MRPL3: variants seen among roughly 807,000 people sequenced by gnomAD.
MRPL3 encodes the protein mitochondrial ribosomal protein L3, also known as large ribosomal subunit protein uL3m.
In MRPL3, 43 loss-of-function variants were observed where a neutral mutation model predicts 44.3. The observed-to-expected ratio is 0.97, with a 90% CI of 0.76 to 1.25. The LOEUF is 1.25. Among genes scored for constraint, MRPL3 ranks in the 50% most tolerant of loss-of-function variants. The pLI, the probability that MRPL3 is intolerant of heterozygous loss-of-function variation, is 0.00. For missense variants in MRPL3, 406 were observed against 427.6 expected (o/e 0.95, Z 0.45); for synonymous variants, 171 against 152.3 (o/e 1.12, Z -0.91).
chr3:131,487,715 A>G lies in MRPL3; in HGVS notation c.594T>C (p.Phe198=). 6.2e-7 allele frequency: 1 copy of G among 1,611,508 alleles called. No individual in the cohort carries two copies. Among genetic ancestry groups the G allele is most frequent in the Non-Finnish European group, 8.5e-7 (1 of 1,179,362 alleles). The part of the protein sequence containing the change: ...KPGTPLYAAH[F]RPGQYVDVTA... Reference sequence around the variant, plus strand: ...TGACATCCACATACTGTCCTGGACGAAAGTGAGCAGCATAAAGAGGAGTGC... The same window carrying G: ...TGACATCCACATACTGTCCTGGACGGAAGTGAGCAGCATAAAGAGGAGTGC... The change falls in exon 6 of 10, where the codon TTT becomes TTC. Residue 198 remains phenylalanine, a synonymous_variant. Transcript: ENST00000264995.
intron 4 of MRPL3, among the ~76,000 whole-genome samples, chr3:131,494,843 G>A (rs1934332466): frequency 6.6e-6 from 1 of 151,930 alleles, no homozygotes. Flanking sequence ...ATTTCAAAAG[G>A]CAATTTAAAA....
At chr3:131,472,984 A>G (rs951491062) in intron 6 of MRPL3, among the ~76,000 whole-genome samples, 2 of 152,176 alleles carry the variant, frequency 1.3e-5, no homozygotes, top group African/African-American at 4.8e-5. Flanking sequence ...CGGCCATACT[A>G]TACAAAGTGG....
At chr3:131,475,026 C>T (rs888167254) in intron 6 of MRPL3, among the ~76,000 whole-genome samples, 2 of 152,088 alleles carry the variant, frequency 1.3e-5, no homozygotes, top group South Asian at 4.2e-4. Context: ...GAGTGATCCT[C>T]CCACCTGGGC....
chr3:131,500,071 CAAAAAGATCAAAA>C (rs1934459086), intron 3 of MRPL3, among the ~76,000 whole-genome samples: 2 of 151,936 alleles, frequency 1.3e-5, no homozygotes, highest in African/African-American at 4.8e-5. Flanking sequence ...ATTCTGTTAG[CAAAAAGATCAAAA>C]CTGTAATCTG....
chr3:131,485,661 A>G (rs570968264), intron 6 of MRPL3, among the ~76,000 whole-genome samples: 1,615 of 152,118 alleles, frequency 0.011, 26 homozygotes, highest in African/African-American at 0.035. Flanking sequence ...GAAAAAAAAA[A>G]GGGGGACAGG....
At chr3:131,496,098 T>C (rs1934366513) in intron 4 of MRPL3, among the ~76,000 whole-genome samples, 1 of 152,152 alleles carries the variant, frequency 6.6e-6, no homozygotes, top group African/African-American at 2.4e-5. Flanking sequence ...ATCCAGGCCA[T>C]GAAGGCATCA....
chr3:131,478,745 G>A (rs1244129977), intron 6 of MRPL3, among the ~76,000 whole-genome samples: 2 of 134,838 alleles, frequency 1.5e-5, no homozygotes, highest in African/African-American at 5.7e-5. Context: ...CTCTCGCTCT[G>A]TTTACCAGGC....
At position 131,467,548 on chromosome 3, in the gene MRPL3, G is replaced by A. The variant is rs531271863; in HGVS notation, c.894+543C>T. On this transcript the variant is annotated intron_variant, in intron 9 of 9. Coordinates refer to ENST00000264995, the MANE Select transcript of MRPL3 (RefSeq NM_007208.4). ...GGCAGACTTCCCCCTTGCTGTTCTC[G>A]TGATAGTGAGTTCTCACAAGATCTT... Among the ~76,000 whole-genome samples, 138 of 152,038 alleles carry A rather than the reference G, an allele frequency of 9.1e-4. 1 individual carries two copies. The highest frequency in any genetic ancestry group is 3.1e-3 in the African/African-American group (130 of 41,498).
intron 4 of MRPL3, among the ~76,000 whole-genome samples, chr3:131,495,338 T>C (rs1934343046): frequency 6.6e-6 from 1 of 152,204 alleles, no homozygotes; most frequent in Non-Finnish European, 1.5e-5. Context: ...TAAAACTTCA[T>C]TTTCACATTT....
chr3:131,491,448 C>G (rs542017746), intron 4 of MRPL3, among the ~76,000 whole-genome samples: 1 of 152,296 alleles, frequency 6.6e-6, no homozygotes, highest in Admixed American at 6.5e-5. Context: ...ACTATACATT[C>G]ACATGTCCAA....
intron 6 of MRPL3, among the ~76,000 whole-genome samples, chr3:131,486,381 A>C (rs1305154676): frequency 1.3e-5 from 2 of 149,610 alleles, no homozygotes; most frequent in South Asian, 2.1e-4. Flanking sequence ...AAAAAAAAAA[A>C]AAAAAAAAAA....
intron 5 of MRPL3, 129 bp from the exon 6 acceptor site, chr3:131,487,869 T>C (rs1326760644): frequency 3.1e-6 from 2 of 652,380 alleles, no homozygotes; most frequent in Middle Eastern, 4.0e-4. Context: ...CTTCTGCAAT[T>C]AGAAACATCC....
chr3:131,468,740 T>C (rs1196374601), intron 8 of MRPL3, among the ~76,000 whole-genome samples: 2 of 151,976 alleles, frequency 1.3e-5, no homozygotes, highest in African/African-American at 4.8e-5. Context: ...AAAATTGAAA[T>C]CACACACACG....
intron 4 of MRPL3, among the ~76,000 whole-genome samples, chr3:131,494,703 T>C (rs1934328764): frequency 6.6e-6 from 1 of 152,218 alleles, no homozygotes; most frequent in African/African-American, 2.4e-5. Flanking sequence ...ACTTTTTTCT[T>C]TTAAAATCAA....
intron 6 of MRPL3, chr3:131,487,381 T>C (rs910428398): frequency 7.7e-6 from 2 of 260,484 alleles, no homozygotes; most frequent in Non-Finnish European, 1.5e-5. Flanking sequence ...CAAACCAACA[T>C]GGCACACGTC....
intron 4 of MRPL3, 106 bp from the exon 5 acceptor site, chr3:131,490,186 G>C (rs1934224049): frequency 6.6e-6 from 5 of 758,304 alleles, no homozygotes; most frequent in Non-Finnish European, 1.1e-5. Context: ...ATAAATCAAA[G>C]CATACCTTAT....
chr3:131,467,981 T>C (rs936207366), intron 9 of MRPL3, 110 bp downstream of exon 9: 2 of 531,918 alleles, frequency 3.8e-6, no homozygotes, highest in Non-Finnish European at 3.1e-6. Context: ...GGAGACTTTA[T>C]GGCAAATATC....
chr3:131,500,960 C>G (rs763756856), intron 2 of MRPL3, among the ~76,000 whole-genome samples: 6 of 152,200 alleles, frequency 3.9e-5, no homozygotes, highest in East Asian at 1.9e-4. Context: ...CAGTCTACAA[C>G]AAGACACTTA....
At position 131,502,927 on chromosome 3, in the gene MRPL3, T is replaced by A; in HGVS notation, c.-106A>T. 9.3e-7 allele frequency: 1 copy of A among 1,074,292 alleles called. No individual in the cohort carries two copies. The highest frequency in any genetic ancestry group is 2.6e-5 in the East Asian group (1 of 38,140). The allele number at this position is 1,074,292 out of a possible 1,614,324, so 66.5% of individuals were successfully genotyped here. On this transcript the variant is annotated 5_prime_UTR_variant, in exon 1 of 10. Transcript: ENST00000264995. ...CGTGGACGCAGTAGCCGTGGGGAAGTTTTCGCAATGGCCGCCGGAACGGTC... is the reference window on the plus strand; with the variant it reads ...CGTGGACGCAGTAGCCGTGGGGAAGATTTCGCAATGGCCGCCGGAACGGTC...
Sources: allele counts gnomAD v4.1 joint callset (sites outside exome capture counted in the v4.1 genomes callset), GRCh38; gene constraint gnomAD v4.1.1; transcripts MANE v1.5; gene names NCBI Gene and HGNC (gene_info 2026-07-23, HGNC 2026-07-21).